STRN3: variants seen among roughly 807,000 people sequenced by gnomAD.
STRN3 encodes striatin-3.
STRN3 carries 29 observed loss-of-function variants against 95.6 expected under a neutral mutation model. The observed-to-expected ratio is 0.30, with a 90% CI of 0.23 to 0.41. The LOEUF (loss-of-function observed/expected upper bound fraction) is 0.41, where lower values mean the gene tolerates loss of function less well. Among genes scored for constraint, STRN3 ranks in the 10% least tolerant of loss-of-function variants. The pLI, the probability that STRN3 is intolerant of heterozygous loss-of-function variation, is 1.00. For missense variants in STRN3, 890 were observed against 972.1 expected, an observed-to-expected ratio of 0.92 and a Z score of 1.12; for synonymous variants, 331 against 357.6, an observed-to-expected ratio of 0.93 and a Z score of 0.84.
chr14:30,996,622 C>T (rs910362647), intron 1 of STRN3, among the ~76,000 whole-genome samples: 1 of 152,158 alleles, frequency 6.6e-6, no homozygotes, highest in Non-Finnish European at 1.5e-5. Context: ...AATCCTAGCA[C>T]TTTGGGAGGC....
At chr14:31,018,276 T>C (rs553744753) in intron 1 of STRN3, among the ~76,000 whole-genome samples, 1 of 152,028 alleles carries the variant, frequency 6.6e-6, no homozygotes, top group Non-Finnish European at 1.5e-5. Flanking sequence ...GCCTGGGCCA[T>C]AGTAAGCTGC....
intron 3 of STRN3, among the ~76,000 whole-genome samples, chr14:30,953,906 G>C (rs968853250): frequency 6.6e-6 from 1 of 152,170 alleles, no homozygotes; most frequent in Non-Finnish European, 1.5e-5. Context: ...TGGGATTACA[G>C]GAATGAGCCA....
intron 1 of STRN3, among the ~76,000 whole-genome samples, chr14:31,013,877 T>G (rs1248857910): frequency 9.7e-5 from 9 of 92,894 alleles, no homozygotes; most frequent in Non-Finnish European, 1.6e-4. Flanking sequence ...TTATTATTAT[T>G]ATTATTATTA....
chr14:30,903,991 TG>T (rs940673288), intron 15 of STRN3, among the ~76,000 whole-genome samples: 1 of 152,172 alleles, frequency 6.6e-6, no homozygotes, highest in Non-Finnish European at 1.5e-5. Context: ...AATCTGAAGT[TG>T]AAGTATTTTA....
At chr14:30,957,386 G>A (rs931043202) in intron 1 of STRN3, among the ~76,000 whole-genome samples, 3 of 149,570 alleles carry the variant, frequency 2.0e-5, no homozygotes, top group Non-Finnish European at 4.4e-5. Context: ...CCAGGAAGTG[G>A]AGCTTGCAGT....
chr14:30,905,396 A>G, intron 15 of STRN3, 22 bp downstream of exon 15: 2 of 1,574,760 alleles, frequency 1.3e-6, no homozygotes, highest in East Asian at 2.3e-5. Flanking sequence ...TAAGGTTTCA[A>G]AGAAACTCCA....
At chr14:30,979,595 T>C (rs1015235865) in intron 1 of STRN3, among the ~76,000 whole-genome samples, 1 of 152,114 alleles carries the variant, frequency 6.6e-6, no homozygotes, top group African/African-American at 2.4e-5. Context: ...CGACATTTTA[T>C]TTTTATTTAT....
chr14:30,949,481 T>G (rs1879532548), intron 4 of STRN3, among the ~76,000 whole-genome samples: 1 of 152,028 alleles, frequency 6.6e-6, no homozygotes, highest in Non-Finnish European at 1.5e-5. Context: ...CATGGTGGCA[T>G]GCACCTGTAG....
chr14:31,002,180 AAAAAAAAAC>A (rs1384277961), intron 1 of STRN3, among the ~76,000 whole-genome samples: 1 of 141,818 alleles, frequency 7.1e-6, no homozygotes. Context: ...AAAAAAAAAA[AAAAAAAAAC>A]AAGGCCAGGC....
At chr14:31,023,953 G>A (rs923860563) in intron 1 of STRN3, among the ~76,000 whole-genome samples, 2 of 152,032 alleles carry the variant, frequency 1.3e-5, no homozygotes, top group Admixed American at 6.6e-5. Context: ...AAAAACTTAG[G>A]ATGGCTAATA....
Position 31,026,071 on chromosome 14 carries a change from C to A in STRN3, c.115G>T (p.Gly39Cys). 2.6e-6 allele frequency: 4 copies of A among 1,528,508 alleles called. No individual in the cohort carries two copies. The highest frequency in any genetic ancestry group is 3.5e-6 in the Non-Finnish European group (4 of 1,138,920). The allele number at this position is 1,528,508 out of a possible 1,614,324, so 94.7% of individuals were successfully genotyped here. A position where few individuals can be genotyped will look rare whatever the true frequency, so the allele number is the denominator to read the frequency against. ...TCGGAGGCCGGAGGACCCCCGCCGCCCGCCGCTCCGTTCCCCCCGGGCGAA... is the reference window on the plus strand; with the variant it reads ...TCGGAGGCCGGAGGACCCCCGCCGCACGCCGCTCCGTTCCCCCCGGGCGAA... ...GLSPGGNGAAGGGGPPASEGA... is the reference protein window; with the variant it reads ...GLSPGGNGAACGGGPPASEGA... The change falls in exon 1 of 18, where the codon GGC (glycine) becomes TGC (cysteine). Residue 39 changes from glycine (G) to cysteine (C), a missense_variant. Gly to Cys is a radical substitution (Grantham distance 159). This residue lies in a region of STRN3 where 526 missense variants were observed against 526.3 expected (regional missense o/e 1.00). Transcript: ENST00000357479.
At chr14:30,950,238 A>G (rs1879572308) in intron 4 of STRN3, among the ~76,000 whole-genome samples, 1 of 152,214 alleles carries the variant, frequency 6.6e-6, no homozygotes, top group East Asian at 1.9e-4. Flanking sequence ...TGTCCAGACT[A>G]TGAAATATTC....
intron 8 of STRN3, among the ~76,000 whole-genome samples, chr14:30,922,745 C>T (rs1188743237): frequency 6.6e-6 from 1 of 152,112 alleles, no homozygotes; most frequent in African/African-American, 2.4e-5. Flanking sequence ...AAAGCTTTCA[C>T]AGCTTTATTT....
chr14:30,929,964 A>AAAAAAAAAAAAAAAAC (rs1878421541), intron 7 of STRN3, among the ~76,000 whole-genome samples: 1 of 147,224 alleles, frequency 6.8e-6, no homozygotes, highest in Non-Finnish European at 1.5e-5. Flanking sequence ...CAAAAAAAAA[A>AAAAAAAAAAAAAAAAC]AAAAAAAAAA....
rs550994753 is a variant in STRN3 at position 30,986,519 on chromosome 14, A to G, written c.283-30277T>C. 3.3e-5 allele frequency among the ~76,000 whole-genome samples: 5 copies of G among 152,354 alleles called. No homozygotes were observed. In the East Asian group the frequency reaches 7.7e-4, roughly 23 times the overall value. ...ACAAGTACCTAACCTAAAAGGTAAT[A>G]AACCTTTTAGCTACTAACACTATTC... On this transcript the variant is annotated intron_variant, in intron 1 of 17. Coordinates refer to ENST00000357479, the MANE Select transcript of STRN3 (RefSeq NM_001083893.2).
chr14:30,984,137 A>AC (rs1555324188), intron 1 of STRN3, among the ~76,000 whole-genome samples: 10,743 of 56,090 alleles, frequency 0.19, 687 homozygotes, highest in East Asian at 0.34. Context: ...GCCCCCCCCA[A>AC]CCCCCCCCCA....
At chr14:30,912,221 T>C (rs1896629431) in intron 10 of STRN3, 39 bp from the exon 11 acceptor site, 2 of 1,587,566 alleles carry the variant, frequency 1.3e-6, no homozygotes, top group Non-Finnish European at 8.6e-7. Flanking sequence ...GTAAAAGTAG[T>C]AAACTGGAAG....
intron 5 of STRN3, among the ~76,000 whole-genome samples, chr14:30,939,846 T>C (rs1352924435): frequency 6.6e-6 from 1 of 152,042 alleles, no homozygotes; most frequent in Non-Finnish European, 1.5e-5. Flanking sequence ...TCCCTTACAG[T>C]CTCCATCCCA....
intron 1 of STRN3, among the ~76,000 whole-genome samples, chr14:30,972,318 T>G (rs1183450926): frequency 6.6e-6 from 1 of 151,596 alleles, no homozygotes; most frequent in Non-Finnish European, 1.5e-5. Flanking sequence ...CTCTTTAAAT[T>G]AGCCAATCGG....
Sources: allele counts gnomAD v4.1 joint callset (sites outside exome capture counted in the v4.1 genomes callset), GRCh38; gene constraint gnomAD v4.1.1; regional missense constraint gnomAD v4.1.1; transcripts MANE v1.5; gene names NCBI Gene and HGNC (gene_info 2026-07-23, HGNC 2026-07-21).